Variants in PLEKHH2 observed in about 807,000 individuals in gnomAD.
PLEKHH2 encodes pleckstrin homology domain-containing family H member 2.
PLEKHH2 carries 129 observed loss-of-function variants against 187.9 expected under a neutral mutation model. The observed-to-expected ratio is 0.69, with a 90% CI of 0.59 to 0.79. The LOEUF (loss-of-function observed/expected upper bound fraction) is 0.79. Among genes scored for constraint, PLEKHH2 ranks in the 30% least tolerant of loss-of-function variants. PLEKHH2 has a pLI of 0.00. For synonymous variants in PLEKHH2, 686 were observed against 605.6 expected (o/e 1.13, Z -1.95); for missense variants, 2,076 against 1,751.2 (o/e 1.19, Z -3.31).
chr2:43,680,353 C>G (rs1668106339), intron 3 of PLEKHH2: 1 of 135,612 alleles, frequency 7.4e-6, no homozygotes, highest in Non-Finnish European at 1.7e-5. Context: ...GATCATTACA[C>G]ATTGTATACA....
intron 4 of PLEKHH2, among the ~76,000 whole-genome samples, chr2:43,693,679 G>T (rs1192197245): frequency 7.8e-6 from 1 of 127,908 alleles, no homozygotes; most frequent in Non-Finnish European, 1.5e-5. Context: ...AGCCGAGATT[G>T]CACCACTGCA....
At chr2:43,751,586 A>G (rs1672011079) in intron 24 of PLEKHH2, among the ~76,000 whole-genome samples, 1 of 152,172 alleles carries the variant, frequency 6.6e-6, no homozygotes, top group Non-Finnish European at 1.5e-5. Flanking sequence ...ATCCCACAGT[A>G]TTCAGCTTCC....
Position 43,676,371 on chromosome 2 carries a change from G to T in PLEKHH2, c.124-2492G>T, listed in dbSNP as rs762698083. 5.6e-6 allele frequency: 8 copies of T among 1,439,970 alleles called. No homozygotes were observed. In the South Asian group the frequency reaches 1.1e-4, roughly 20 times the overall value. The allele number at this position is 1,439,970 out of a possible 1,614,324, so 89.2% of individuals were successfully genotyped here. On this transcript the variant is annotated intron_variant, in intron 2 of 29. Coordinates refer to ENST00000282406, the MANE Select transcript of PLEKHH2 (RefSeq NM_172069.4). ...CCAGGGTCAAAGGCAGCCTGGGACC[G>T]GGTCCTGGGGTCCCGCGCCTTCCGG...
chr2:43,700,808 C>G (rs528170837), intron 8 of PLEKHH2, among the ~76,000 whole-genome samples, 200 bp downstream of exon 8: 7 of 152,216 alleles, frequency 4.6e-5, no homozygotes, highest in Admixed American at 3.9e-4. Context: ...CACTACCATG[C>G]CTGGCTAATT....
chr2:43,638,561 C>G (rs1349041924), intron 1 of PLEKHH2, among the ~76,000 whole-genome samples: 1 of 152,132 alleles, frequency 6.6e-6, no homozygotes, highest in African/African-American at 2.4e-5. Flanking sequence ...AGACTTTTTC[C>G]TGTCCCCTGA....
chr2:43,702,328 T>C (rs1042467980), intron 8 of PLEKHH2, among the ~76,000 whole-genome samples: 1 of 152,224 alleles, frequency 6.6e-6, no homozygotes, highest in Non-Finnish European at 1.5e-5. Flanking sequence ...AATATCCACA[T>C]GAAACCTTCT....
chr2:43,648,600 T>TGTGTGA (rs769325793), intron 2 of PLEKHH2, among the ~76,000 whole-genome samples: 2 of 143,756 alleles, frequency 1.4e-5, no homozygotes, highest in Non-Finnish European at 3.1e-5. Context: ...TGTGTGTGTG[T>TGTGTGA]GACGGGGTCC....
chr2:43,693,598 C>T (rs1668935062), intron 4 of PLEKHH2, among the ~76,000 whole-genome samples: 1 of 151,866 alleles, frequency 6.6e-6, no homozygotes, highest in Non-Finnish European at 1.5e-5. Flanking sequence ...GTGGCGGGCT[C>T]CTGTAGTCCC....
intron 2 of PLEKHH2, among the ~76,000 whole-genome samples, chr2:43,652,397 G>A (rs1386334417): frequency 2.6e-5 from 4 of 152,148 alleles, no homozygotes; most frequent in Non-Finnish European, 5.9e-5. Flanking sequence ...CCTTATTCTA[G>A]GCTATGCTAT....
intron 8 of PLEKHH2, among the ~76,000 whole-genome samples, chr2:43,701,026 C>G (rs1423061434): frequency 6.6e-6 from 1 of 152,160 alleles, no homozygotes; most frequent in Non-Finnish European, 1.5e-5. Context: ...TCTTCCCTCA[C>G]TGAGTTCTGA....
At position 43,750,524 on chromosome 2, in the gene PLEKHH2, C is replaced by T. The variant is rs114814695; in HGVS notation, c.3654-3095C>T. Among the ~76,000 whole-genome samples the T allele has an allele frequency of 5.6e-3, 853 of 151,972 alleles. 16 individuals are homozygous for T. The highest frequency in any genetic ancestry group is 0.019 in the African/African-American group (805 of 41,422). On this transcript the variant is annotated intron_variant, in intron 24 of 29. Transcript: ENST00000282406. ...AGAGAGACTCTCATGATTCCAGAGA[C>T]CTCTGGGGAATACTACTACTGGTAC...
intron 14 of PLEKHH2, chr2:43,711,244 C>G (rs766229842): frequency 1.6e-5 from 16 of 985,434 alleles, no homozygotes; most frequent in Non-Finnish European, 1.7e-5. Context: ...GGGTGGAGGA[C>G]AACTTTGCCA....
intron 2 of PLEKHH2, chr2:43,676,371 G>A (rs762698083): frequency 2.1e-4 from 309 of 1,439,960 alleles, no homozygotes; most frequent in Non-Finnish European, 2.8e-4. Context: ...GCCTGGGACC[G>A]GGTCCTGGGG....
chr2:43,644,601 A>G (rs1350234485), intron 1 of PLEKHH2, 70 bp from the exon 2 acceptor site: 4 of 1,229,088 alleles, frequency 3.3e-6, no homozygotes, highest in Non-Finnish European at 4.5e-6. Context: ...ATTATCCTGA[A>G]TATTAATTGT....
At chr2:43,649,993 G>A (rs1666384832) in intron 2 of PLEKHH2, among the ~76,000 whole-genome samples, 1 of 152,080 alleles carries the variant, frequency 6.6e-6, no homozygotes, top group African/African-American at 2.4e-5. Flanking sequence ...AGTTCACTTT[G>A]GCTACAGAGG....
chr2:43,659,777 T>C (rs1281819829), intron 2 of PLEKHH2, among the ~76,000 whole-genome samples: 4 of 152,154 alleles, frequency 2.6e-5, no homozygotes, highest in Non-Finnish European at 5.9e-5. Flanking sequence ...CAGGCTGGTC[T>C]CGAACTCCTG....
rs1318366113 is a variant in PLEKHH2, at chr2:43,765,873, A to G, written c.*275A>G. 1 of 331,820 alleles carries G rather than the reference A, an allele frequency of 3.0e-6. No individual in the cohort carries two copies. Among genetic ancestry groups the G allele is most frequent in the Non-Finnish European group, 5.4e-6 (1 of 184,600 alleles). The allele number at this position is 331,820 out of a possible 1,614,324, so 20.6% of individuals were successfully genotyped here. On this transcript the variant is annotated 3_prime_UTR_variant, in exon 30 of 30. Transcript: ENST00000282406. ...TCCATCTCCCTTCTCCCTTGTCATC[A>G]GACACATTGTGCAATGTGGCTTTTC...
rs752055726 is a variant in PLEKHH2 at position 43,692,480 on chromosome 2, C to A, written c.187-34C>A. On this transcript the variant is annotated intron_variant, in intron 3 of 29. Transcript: ENST00000282406. Reference sequence around the variant, plus strand: ...TTAATACTGTGATAACCTGAGTACACACACAATTTTAATATTTTATCCTTT... The same window carrying A: ...TTAATACTGTGATAACCTGAGTACAAACACAATTTTAATATTTTATCCTTT... 14 of 1,508,532 alleles carry A rather than the reference C, an allele frequency of 9.3e-6. No individual in the cohort carries two copies. In the East Asian group the frequency reaches 2.9e-4, roughly 32 times the overall value. 93.4% of individuals were successfully genotyped at this position (1,508,532 alleles called of 1,614,324 possible).
rs541332659 is a variant in PLEKHH2, at chr2:43,706,034, A to G, written c.1727-288A>G. ...TACTTAGTTCTGCCCAGCCTGAGCA[A>G]AGCATGCATGGAGATTTCAAGGAAA... On this transcript the variant is annotated intron_variant, in intron 9 of 29. Coordinates refer to ENST00000282406, the MANE Select transcript of PLEKHH2 (RefSeq NM_172069.4). 2.0e-5 allele frequency among the ~76,000 whole-genome samples: 3 copies of G among 152,332 alleles called. No individual in the cohort carries two copies. The East Asian group carries it at 5.8e-4, about 29-fold the overall frequency.
Sources: allele counts gnomAD v4.1 joint callset (sites outside exome capture counted in the v4.1 genomes callset), GRCh38; gene constraint gnomAD v4.1.1; transcripts MANE v1.5; gene names NCBI Gene and HGNC (gene_info 2026-07-23, HGNC 2026-07-21).